The following TMEM150B variants were observed in gnomAD, a reference collection of about 807,000 sequenced individuals.
TMEM150B encodes transmembrane protein 150B, also known as modulator of macroautophagy TMEM150B.
A neutral mutation model predicts 25.2 loss-of-function variants in TMEM150B; 33 were observed. That is an observed-to-expected ratio of 1.31 (90% CI 0.99 to 1.75). The LOEUF (loss-of-function observed/expected upper bound fraction) is 1.75. TMEM150B is among the 40% of genes most tolerant of loss of function. The pLI is 0.00. For synonymous variants in TMEM150B, 133 were observed against 134.8 expected, an observed-to-expected ratio of 0.99 and a Z score of 0.09; for missense variants, 322 against 306.1, an observed-to-expected ratio of 1.05 and a Z score of -0.39.
chr19:55,318,896 G>A (rs1352635427), intron 6 of TMEM150B, among the ~76,000 whole-genome samples: 1 of 152,036 alleles, frequency 6.6e-6, no homozygotes, highest in Non-Finnish European at 1.5e-5. Flanking sequence ...GACCTCCTGG[G>A]CTCAAGCAAT....
intron 7 of TMEM150B, among the ~76,000 whole-genome samples, chr19:55,315,861 C>T (rs543551299): frequency 1.3e-4 from 19 of 151,940 alleles, no homozygotes; most frequent in Admixed American, 1.2e-3. Flanking sequence ...ACCCGGGAGG[C>T]GGAGGTTGCA....
chr19:55,310,707 T>A (rs1227497565), downstream of TMEM150B, among the ~76,000 whole-genome samples: 3 of 152,134 alleles, frequency 2.0e-5, no homozygotes. This position sits in a 1 kb window ranked among gnomAD's most constrained non-coding sequence, Gnocchi z 5.0. Context: ...GGGTCCCAAA[T>A]GGCAGTCGTG....
rs574146692 is a variant in TMEM150B at position 55,319,907 on chromosome 19, A to G, written c.324+132T>C. On this transcript the variant is annotated intron_variant, in intron 6 of 7. Coordinates refer to ENST00000326652, the MANE Select transcript of TMEM150B (RefSeq NM_001282011.2). The stretch of plus-strand genomic sequence containing the variant: ...GCCGGTCCAAGGCCACTGGCCAGAG[A>G]AAAATACAAGTCCCAGGAGGGCCGG... The G allele has an allele frequency of 1.6e-4, 245 of 1,486,398 alleles. 3 individuals carry two copies. The South Asian group carries it at 2.5e-3, about 15-fold the overall frequency. 92.1% of individuals were successfully genotyped at this position (1,486,398 alleles called of 1,614,324 possible). A position where few individuals can be genotyped will look rare whatever the true frequency, so the allele number is the denominator to read the frequency against.
intron 2 of TMEM150B, 39 bp from the exon 3 acceptor site, chr19:55,321,132 G>A: frequency 6.7e-7 from 1 of 1,497,710 alleles, no homozygotes; most frequent in Non-Finnish European, 8.9e-7. Flanking sequence ...AGGTGCATGA[G>A]ATTGTGGCCC....
At chr19:55,312,532 G>GA, downstream of TMEM150B, 1 of 43,452 alleles carries the variant, frequency 2.3e-5, no homozygotes, top group African/African-American at 2.9e-4. Flanking sequence ...TCCGCCGGCG[G>GA]CAAAAAAAAA....
chr19:55,319,919 C>G (rs761023654), intron 6 of TMEM150B, 120 bp downstream of exon 6: 1 of 1,512,640 alleles, frequency 6.6e-7, no homozygotes, highest in Non-Finnish European at 8.8e-7. Flanking sequence ...AAATACAAGT[C>G]CCAGGAGGGC....
intron 1 of TMEM150B, among the ~76,000 whole-genome samples, chr19:55,324,404 C>G (rs1206453841): frequency 6.6e-6 from 1 of 151,804 alleles, no homozygotes; most frequent in Non-Finnish European, 1.5e-5. Flanking sequence ...AATCCCAGCA[C>G]TTTGGGAGGC....
chr19:55,317,059 A>T, intron 6 of TMEM150B, 93 bp from the exon 7 acceptor site: 1 of 1,195,218 alleles, frequency 8.4e-7, no homozygotes, highest in Non-Finnish European at 1.2e-6. Context: ...TGCAGTAGAC[A>T]GTGGTCACCA....
intron 2 of TMEM150B, among the ~76,000 whole-genome samples, chr19:55,322,049 C>T (rs2089220543): frequency 6.6e-6 from 1 of 152,184 alleles, no homozygotes; most frequent in Non-Finnish European, 1.5e-5. Context: ...TGCCGCCTGA[C>T]CCTTTTCCTT....
At position 55,313,071 on chromosome 19, in the gene TMEM150B, G is replaced by A. The variant is rs2088859841; in HGVS notation, c.506-16C>T. On this transcript the variant is annotated splice_polypyrimidine_tract_variant and intron_variant, in intron 7 of 7. Transcript: ENST00000326652. ...AGGACGATCACTGCCCCAGGGTCAA[G>A]GGCCACACTGCTACCGTGACAGACG... The A allele has an allele frequency of 6.2e-7, 1 of 1,600,626 alleles. No homozygotes were observed. Among genetic ancestry groups the A allele is most frequent in the Non-Finnish European group, 8.5e-7 (1 of 1,174,048 alleles).
Position 55,322,664 on chromosome 19 carries a change from G to A in TMEM150B, c.-74C>T. Reference sequence around the variant, plus strand: ...GATGCTCACCTCTCCAAGCTTCCTGGGGCTCTCAGTCCTGGAGCTGGGGCT... The same window carrying A: ...GATGCTCACCTCTCCAAGCTTCCTGAGGCTCTCAGTCCTGGAGCTGGGGCT... On this transcript the variant is annotated 5_prime_UTR_variant, in exon 2 of 8. Coordinates refer to ENST00000326652, the MANE Select transcript of TMEM150B (RefSeq NM_001282011.2). 2.0e-6 allele frequency: 2 copies of A among 985,202 alleles called. No homozygotes were observed. The highest frequency in any genetic ancestry group is 3.5e-5 in the African/African-American group (2 of 57,256). 61.0% of individuals were successfully genotyped at this position (985,202 alleles called of 1,614,324 possible).
chr19:55,315,712 G>T (rs1290881205), intron 7 of TMEM150B, among the ~76,000 whole-genome samples: 5 of 149,632 alleles, frequency 3.3e-5, no homozygotes, highest in Non-Finnish European at 5.9e-5. Context: ...AGTGAGCCAA[G>T]ATCACGCCAC....
chr19:55,317,484 A>G (rs2089044409), intron 6 of TMEM150B, among the ~76,000 whole-genome samples: 1 of 152,148 alleles, frequency 6.6e-6, no homozygotes. Context: ...CGTCTCTACA[A>G]AAAATACAAA....
chr19:55,317,084 G>A (rs369428588), intron 6 of TMEM150B, 118 bp from the exon 7 acceptor site: 2 of 854,454 alleles, frequency 2.3e-6, no homozygotes, highest in East Asian at 6.1e-5. Context: ...TCCATACCCA[G>A]TGATGGGCTT....
chr19:55,320,827 C>T (rs897750385), intron 3 of TMEM150B, 142 bp downstream of exon 3: 5 of 1,177,564 alleles, frequency 4.2e-6, no homozygotes, highest in Non-Finnish European at 5.9e-6. Context: ...TCCCTCAGAC[C>T]CAGGAGTCCA....
At chr19:55,322,916 T>G (rs1441484153) in intron 1 of TMEM150B, among the ~76,000 whole-genome samples, 173 bp from the exon 2 acceptor site, 5 of 151,958 alleles carry the variant, frequency 3.3e-5, no homozygotes, top group Non-Finnish European at 7.4e-5. Flanking sequence ...GTATTCAACA[T>G]CCAAACTCTC....
At chr19:55,315,850 A>T (rs559204705) in intron 7 of TMEM150B, among the ~76,000 whole-genome samples, 76 of 152,212 alleles carry the variant, frequency 5.0e-4, no homozygotes, top group Middle Eastern at 6.8e-3. Context: ...GAATCGCTTG[A>T]ACCCGGGAGG....
At chr19:55,316,717 A>G in intron 7 of TMEM150B, 69 bp downstream of exon 7, 1 of 1,358,986 alleles carries the variant, frequency 7.4e-7, no homozygotes, top group Non-Finnish European at 9.6e-7. Context: ...AGTGACAGAC[A>G]GCCAGGCAGG....
chr19:55,315,807 G>A (rs34962991), intron 7 of TMEM150B, among the ~76,000 whole-genome samples: 47,782 of 151,264 alleles, frequency 0.32, 7,976 homozygotes, highest in South Asian at 0.45. Flanking sequence ...GCAGGTGCCT[G>A]TAGTCCCAGC....
Sources: allele counts gnomAD v4.1 joint callset (sites outside exome capture counted in the v4.1 genomes callset), GRCh38; gene constraint gnomAD v4.1.1; non-coding constraint Gnocchi (gnomAD v3.1); transcripts MANE v1.5; gene names NCBI Gene and HGNC (gene_info 2026-07-23, HGNC 2026-07-21).